RNF43: variants seen among roughly 807,000 people sequenced by gnomAD.
RNF43 encodes ring finger protein 43, also known as E3 ubiquitin-protein ligase RNF43.
A neutral mutation model predicts 78.4 loss-of-function variants in RNF43; 37 were observed. The ratio of observed to expected loss-of-function variants is 0.47; its 90% CI spans 0.36 to 0.62. The LOEUF (loss-of-function observed/expected upper bound fraction) is 0.62. RNF43 is among the 20% of genes least tolerant of loss of function. The pLI, the probability that RNF43 is intolerant of heterozygous loss-of-function variation, is 0.00. For missense variants in RNF43, 774 were observed against 1,007.9 expected, an observed-to-expected ratio of 0.77 and a Z score of 3.14; for synonymous variants, 347 against 395.0, an observed-to-expected ratio of 0.88 and a Z score of 1.44.
chr17:58,409,487 C>T (rs1367770324), intron 2 of RNF43, among the ~76,000 whole-genome samples: 2 of 152,108 alleles, frequency 1.3e-5, no homozygotes, highest in Non-Finnish European at 2.9e-5. Flanking sequence ...TTCCAATGAA[C>T]AAAATGTAAA....
In RNF43 at chr17:58,358,101, T is replaced by G. The variant is rs777723421; in HGVS notation, c.1675A>C (p.Lys559Gln). 85 of 1,611,452 alleles carry G rather than the reference T, an allele frequency of 5.3e-5. No individual in the cohort carries two copies. The highest frequency in any genetic ancestry group is 6.7e-5 in the Admixed American group (4 of 59,602). Residue 559 changes from lysine (K) to glutamine (Q), a missense_variant, in exon 9 of 10, where the codon AAA becomes CAA. Lys to Gln is a moderately conservative substitution (Grantham distance 53). Coordinates refer to ENST00000407977, the MANE Select transcript of RNF43 (RefSeq NM_017763.6). This position sits in a 1 kb window ranked among gnomAD's most constrained non-coding sequence, Gnocchi z 6.2. ...HYHRHRHHHY[K>Q]KRFQWHGRKP... ...CTGCCATGCCACTGGAACCGCTTTTTGTAGTGGTGGTGCCGGTGGCGGTGG... is the reference window on the plus strand; with the variant it reads ...CTGCCATGCCACTGGAACCGCTTTTGGTAGTGGTGGTGCCGGTGGCGGTGG...
intron 2 of RNF43, among the ~76,000 whole-genome samples, chr17:58,400,982 G>A (rs1369674864): frequency 6.6e-6 from 1 of 151,966 alleles, no homozygotes; most frequent in African/African-American, 2.4e-5. Context: ...CATTCAACTG[G>A]TGACCATAGG....
chr17:58,404,343 T>C (rs769691483), intron 2 of RNF43, among the ~76,000 whole-genome samples: 63 of 152,304 alleles, frequency 4.1e-4, no homozygotes, highest in Non-Finnish European at 6.3e-4. Flanking sequence ...CTGGAAAGGA[T>C]CTTAAAGATT....
chr17:58,361,535 G>A (rs1453746354), intron 6 of RNF43, among the ~76,000 whole-genome samples: 1 of 152,162 alleles, frequency 6.6e-6, no homozygotes, highest in African/African-American at 2.4e-5. Context: ...TGGTTTCTCT[G>A]TTTCCAGCTT....
At chr17:58,385,890 T>C (rs1308578927) in intron 2 of RNF43, among the ~76,000 whole-genome samples, 1 of 151,420 alleles carries the variant, frequency 6.6e-6, no homozygotes, top group Admixed American at 6.6e-5. Context: ...GTGAATTACT[T>C]GAGTTCACAA....
chr17:58,370,060 GTTTTTTTTTTTTT>G (rs56372311), intron 3 of RNF43, among the ~76,000 whole-genome samples: 5 of 96,236 alleles, frequency 5.2e-5, no homozygotes, highest in Non-Finnish European at 4.0e-5. Flanking sequence ...GAAAATCTGA[GTTTTTTTTTTTTT>G]TTTTTTTTTT....
intron 3 of RNF43, among the ~76,000 whole-genome samples, chr17:58,365,088 A>C (rs1001629460): frequency 6.6e-6 from 1 of 152,264 alleles, no homozygotes; most frequent in Non-Finnish European, 1.5e-5. Flanking sequence ...TCACAGGACC[A>C]GTCAATTCCA....
chr17:58,364,534 C>T (rs1229164028), intron 3 of RNF43, among the ~76,000 whole-genome samples: 2 of 152,148 alleles, frequency 1.3e-5, no homozygotes, highest in African/African-American at 4.8e-5. Flanking sequence ...GCGGGAGGCA[C>T]AACAGCAAAC....
chr17:58,407,151 T>C (rs1973928889), intron 2 of RNF43, among the ~76,000 whole-genome samples: 1 of 140,604 alleles, frequency 7.1e-6, no homozygotes, highest in African/African-American at 2.6e-5. Flanking sequence ...CAATCTTGGC[T>C]CACTACAACC....
chr17:58,415,265 CAAAA>C lies in RNF43; in HGVS notation c.252+57_252+60del, dbSNP rs1445141694. On this transcript the variant is annotated intron_variant, in intron 2 of 9. Transcript: ENST00000407977. ...CGTGTATGGTATTTCATTTGGGAGA[CAAAA>C]GAAGAAAGACATATTTCAAACAGAT... 160 of 1,574,064 alleles carry C rather than the reference CAAAA, an allele frequency of 1.0e-4. No homozygotes were observed. In the South Asian group the frequency reaches 1.4e-3, roughly 14 times the overall value.
At position 58,406,205 on chromosome 17, in the gene RNF43, C is replaced by T. The variant is rs1279295177; in HGVS notation, c.252+9121G>A. Among the ~76,000 whole-genome samples, 8 of 152,138 alleles carry T rather than the reference C, an allele frequency of 5.3e-5. No individual in the cohort carries two copies. In the East Asian group the frequency reaches 5.8e-4, roughly 11 times the overall value. On this transcript the variant is annotated intron_variant, in intron 2 of 9. Coordinates refer to ENST00000407977, the MANE Select transcript of RNF43 (RefSeq NM_017763.6). ...GGGATCAAAGAGGAAAGAGACCCTGCGGCAGTCTATATCTTCTTAATGGAA... is the reference window on the plus strand; with the variant it reads ...GGGATCAAAGAGGAAAGAGACCCTGTGGCAGTCTATATCTTCTTAATGGAA...
At chr17:58,356,568 G>A (rs893364941) in intron 9 of RNF43, among the ~76,000 whole-genome samples, 1 of 152,192 alleles carries the variant, frequency 6.6e-6, no homozygotes, top group Non-Finnish European at 1.5e-5. Context: ...TAATAATGAT[G>A]TGTTGAAGGG....
chr17:58,357,861 G>T lies in RNF43; in HGVS notation c.1915C>A (p.Leu639Met). Residue 639 changes from leucine (L) to methionine (M), a missense_variant, in exon 9 of 10, where the codon CTG becomes ATG. Coordinates refer to ENST00000407977, the MANE Select transcript of RNF43 (RefSeq NM_017763.6). This position sits in a 1 kb window ranked among gnomAD's most constrained non-coding sequence, Gnocchi z 4.5. Reference protein sequence around the residue: ...ASSICPSTSSLFNLQKSSLSA... With the variant: ...ASSICPSTSSMFNLQKSSLSA... ...AGGCTGGATTTTTGCAAGTTGAACA[G>T]ACTGCTGGTACTGGGGCAGATGCTG... The T allele has an allele frequency of 1.2e-6, 2 of 1,614,016 alleles. No individual in the cohort carries two copies. The highest frequency in any genetic ancestry group is 2.2e-5 in the South Asian group (2 of 91,068).
intron 3 of RNF43, among the ~76,000 whole-genome samples, chr17:58,368,474 G>A (rs1316865038): frequency 6.6e-6 from 1 of 152,082 alleles, no homozygotes; most frequent in Non-Finnish European, 1.5e-5. Flanking sequence ...TTGAACCCTG[G>A]AGGCGGAGGT....
intron 2 of RNF43, among the ~76,000 whole-genome samples, chr17:58,371,464 A>G (rs1166146456): frequency 2.0e-5 from 3 of 152,226 alleles, no homozygotes; most frequent in Non-Finnish European, 4.4e-5. Flanking sequence ...CAGTGCTTTC[A>G]GAATGCCCAT....
intron 2 of RNF43, among the ~76,000 whole-genome samples, chr17:58,413,310 G>A (rs975002724): frequency 1.3e-5 from 2 of 152,108 alleles, no homozygotes; most frequent in African/African-American, 4.8e-5. Flanking sequence ...ACAAGAGGCT[G>A]TTGAAAAACT....
chr17:58,393,068 G>T (rs552900092), intron 2 of RNF43, among the ~76,000 whole-genome samples: 1 of 152,186 alleles, frequency 6.6e-6, no homozygotes, highest in South Asian at 2.1e-4. Flanking sequence ...AGACAAGGAG[G>T]ATGAAGACCT....
intron 2 of RNF43, among the ~76,000 whole-genome samples, chr17:58,391,954 G>C (rs1484515257): frequency 6.6e-6 from 1 of 151,898 alleles, no homozygotes; most frequent in Non-Finnish European, 1.5e-5. Flanking sequence ...GGAGGTGTAT[G>C]TAAGAGTCTT....
rs1010949768 is a variant in RNF43 at position 58,353,958 on chromosome 17, T to G, written c.*985A>C. The G allele has an allele frequency of 1.1e-5, 2 of 186,062 alleles. No homozygotes were observed. The highest frequency in any genetic ancestry group is 2.3e-5 in the Non-Finnish European group (2 of 87,752). 11.5% of individuals were successfully genotyped at this position (186,062 alleles called of 1,614,324 possible). On this transcript the variant is annotated 3_prime_UTR_variant, in exon 10 of 10. Transcript: ENST00000407977. ...TCTTGTCCACTCAGTGAGGCCAGAC[T>G]TGTGCTCTAATCCACTCTCCTGTGG...
Sources: allele counts gnomAD v4.1 joint callset (sites outside exome capture counted in the v4.1 genomes callset), GRCh38; gene constraint gnomAD v4.1.1; non-coding constraint Gnocchi (gnomAD v3.1); transcripts MANE v1.5; gene names NCBI Gene and HGNC (gene_info 2026-07-23, HGNC 2026-07-21).